The following XIAP variants were observed in gnomAD, a reference collection of about 807,000 sequenced individuals.
XIAP encodes E3 ubiquitin-protein ligase XIAP.
XIAP carries 3 observed loss-of-function variants against 33.1 expected under a neutral mutation model. That is an observed-to-expected ratio of 0.09 (90% CI 0.04 to 0.23). The LOEUF is 0.23. XIAP is among the 10% of genes least tolerant of loss of function. XIAP has a pLI of 1.00. For missense variants in XIAP, 264 were observed against 363.0 expected, an observed-to-expected ratio of 0.73 and a Z score of 2.22; for synonymous variants, 98 against 121.3, an observed-to-expected ratio of 0.81 and a Z score of 1.26.
rs771503633 is a variant in XIAP at position 123,889,997 on chromosome X, A to ATTTTT, written c.978-1208_978-1204dup. On this transcript the variant is annotated intron_variant, in intron 3 of 6. Transcript: ENST00000371199. ...ATCTCTATGACATACAGTTGTTCAC[A>ATTTTT]TTTTTTTTTTTTTTTTTTTTTTTTT... 9.1e-5 allele frequency among the ~76,000 whole-genome samples: 3 copies of ATTTTT among 33,048 alleles called. 1 individual carries two copies. Among genetic ancestry groups the ATTTTT allele is most frequent in the African/African-American group, 1.3e-4 (1 of 7,419 alleles). 28.7% of individuals were successfully genotyped at this position (33,048 alleles called of 115,157 possible).
At chrX:123,904,897 C>G (rs2053546470) in intron 6 of XIAP, among the ~76,000 whole-genome samples, 1 of 111,881 alleles carries the variant, frequency 8.9e-6, no homozygotes, top group Non-Finnish European at 1.9e-5. Flanking sequence ...TCCCAAAGTG[C>G]TGGGATTACA....
chrX:123,883,985 A>G lies in XIAP; in HGVS notation c.-32-1646A>G, dbSNP rs147761477. Reference sequence around the variant, plus strand: ...AGGAAATGATAATTCATCAAAAGTCATGGAGACTATATTCCAAAAGTTTTA... The same window carrying G: ...AGGAAATGATAATTCATCAAAAGTCGTGGAGACTATATTCCAAAAGTTTTA... On this transcript the variant is annotated intron_variant, in intron 1 of 6. Coordinates refer to ENST00000371199, the MANE Select transcript of XIAP (RefSeq NM_001167.4). Among the ~76,000 whole-genome samples, 7 of 112,223 alleles carry G rather than the reference A, an allele frequency of 6.2e-5. No homozygotes were observed. In the East Asian group the frequency reaches 1.7e-3, roughly 27 times the overall value.
At chrX:123,865,617 G>A (rs1195772531) in intron 1 of XIAP, among the ~76,000 whole-genome samples, 1 of 109,562 alleles carries the variant, frequency 9.1e-6, no homozygotes, top group African/African-American at 3.3e-5. Flanking sequence ...CCAGCTACTT[G>A]GGAGGCTGAG....
chrX:123,892,668 CA>C, intron 4 of XIAP, 62 bp from the exon 5 acceptor site: 3 of 960,607 alleles, frequency 3.1e-6, no homozygotes, highest in Non-Finnish European at 4.4e-6. Flanking sequence ...TTTCACTTTT[CA>C]AATGGAAATG....
chrX:123,904,106 TCTTC>T (rs2053539308), intron 6 of XIAP, among the ~76,000 whole-genome samples: 1 of 111,690 alleles, frequency 9.0e-6, no homozygotes, highest in African/African-American at 3.3e-5. Context: ...TTTGTTTGTT[TCTTC>T]CTTTTTGTGG....
At position 123,913,277 on chromosome X, in the gene XIAP, G is replaced by A; in HGVS notation, c.*6096G>A. 3.0e-6 allele frequency: 1 copy of A among 328,095 alleles called. No homozygotes were observed. The highest frequency in any genetic ancestry group is 5.9e-6 in the Non-Finnish European group (1 of 169,433). The allele number at this position is 328,095 out of a possible 1,213,427, so 27.0% of individuals were successfully genotyped here. A position where few individuals can be genotyped will look rare whatever the true frequency, so the allele number is the denominator to read the frequency against. On this transcript the variant is annotated 3_prime_UTR_variant, in exon 7 of 7. Transcript: ENST00000371199. ...ACCTGAGGTCAGGAGTTGGAGACCAGCCTGGCCAACATGCTGAAACCCTGT... is the reference window on the plus strand; with the variant it reads ...ACCTGAGGTCAGGAGTTGGAGACCAACCTGGCCAACATGCTGAAACCCTGT...
intron 1 of XIAP, among the ~76,000 whole-genome samples, chrX:123,868,990 T>C (rs2053168701): frequency 9.1e-6 from 1 of 110,414 alleles, no homozygotes; most frequent in Non-Finnish European, 1.9e-5. Context: ...TGTTATGATA[T>C]AGTTTTATGT....
chrX:123,867,969 C>T (rs1220526422), intron 1 of XIAP, among the ~76,000 whole-genome samples: 1 of 111,689 alleles, frequency 9.0e-6, no homozygotes, highest in Non-Finnish European at 1.9e-5. Flanking sequence ...AGCCACTGCG[C>T]CCAGCCTGAA....
chrX:123,888,830 C>T, intron 3 of XIAP, 112 bp downstream of exon 3: 1 of 643,977 alleles, frequency 1.6e-6, no homozygotes, highest in Admixed American at 2.7e-5. Flanking sequence ...GAAATTCATG[C>T]TAGGTTTATA....
intron 1 of XIAP, among the ~76,000 whole-genome samples, chrX:123,865,371 A>G (rs1013169702): frequency 9.0e-6 from 1 of 111,095 alleles, no homozygotes; most frequent in Non-Finnish European, 1.9e-5. Flanking sequence ...CAATGACCCC[A>G]TCTTTCTTTA....
At chrX:123,899,138 A>AT (rs2053488327) in intron 5 of XIAP, among the ~76,000 whole-genome samples, 2 of 72,590 alleles carry the variant, frequency 2.8e-5, no homozygotes, top group Admixed American at 1.7e-4. Context: ...AAAAAAAAAA[A>AT]AAAAAAATAT....
chrX:123,871,885 G>A (rs1158511601), intron 1 of XIAP, among the ~76,000 whole-genome samples: 3 of 109,638 alleles, frequency 2.7e-5, no homozygotes, highest in Non-Finnish European at 5.7e-5. Flanking sequence ...GGAGGATCAC[G>A]AGGTCAGGAG....
At chrX:123,887,623 T>C (rs1013911163) in intron 2 of XIAP, among the ~76,000 whole-genome samples, 13 of 112,031 alleles carry the variant, frequency 1.2e-4, no homozygotes, top group Non-Finnish European at 2.4e-4. Flanking sequence ...ACTTGAAACA[T>C]AACTTGTTTT....
In XIAP at chrX:123,910,125, C is replaced by A. The variant is rs776649984; in HGVS notation, c.*2944C>A. On this transcript the variant is annotated 3_prime_UTR_variant, in exon 7 of 7. Coordinates refer to ENST00000371199, the MANE Select transcript of XIAP (RefSeq NM_001167.4). ...TCTTTATTTGTAATAATTTAGTCTG[C>A]TGATCAAAAGCATTGTCTTAATTTT... is the stretch of plus-strand genomic sequence containing the variant. 1.1e-3 allele frequency: 369 copies of A among 323,579 alleles called. 3 individuals are homozygous for A. Among genetic ancestry groups the A allele is most frequent in the South Asian group, 9.7e-3 (363 of 37,344 alleles). 26.7% of individuals were successfully genotyped at this position (323,579 alleles called of 1,213,427 possible).
At chrX:123,900,804 G>A in intron 6 of XIAP, 111 bp downstream of exon 6, 2 of 681,815 alleles carry the variant, frequency 2.9e-6, no homozygotes, top group Middle Eastern at 4.2e-4. Context: ...TTTTTTAAAC[G>A]TAACCTTAAT....
In XIAP at chrX:123,911,477, CAA is replaced by C. The variant is rs397713705; in HGVS notation, c.*4308_*4309del. The C allele has an allele frequency of 4.4e-4, 115 of 259,086 alleles. No homozygotes were observed. Among genetic ancestry groups the C allele is most frequent in the Admixed American group, 8.9e-4 (19 of 21,436 alleles). 21.4% of individuals were successfully genotyped at this position (259,086 alleles called of 1,213,427 possible). A position where few individuals can be genotyped will look rare whatever the true frequency, so the allele number is the denominator to read the frequency against. On this transcript the variant is annotated 3_prime_UTR_variant, in exon 7 of 7. Coordinates refer to ENST00000371199, the MANE Select transcript of XIAP (RefSeq NM_001167.4). ...GGGCAACAAGAGCAAAACTCTGTCTCAAAAAAAAAAAAAGATATAAATCACAA... is the reference window on the plus strand; with the variant it reads ...GGGCAACAAGAGCAAAACTCTGTCTCAAAAAAAAAAAGATATAAATCACAA...
chrX:123,861,563 TATG>T (rs1435795347), intron 1 of XIAP, among the ~76,000 whole-genome samples: 1 of 111,591 alleles, frequency 9.0e-6, no homozygotes, highest in Non-Finnish European at 1.9e-5. Context: ...AGTAATGACT[TATG>T]GAGGAGAAGA....
chrX:123,902,258 G>A (rs1181983927), intron 6 of XIAP, among the ~76,000 whole-genome samples: 1 of 111,082 alleles, frequency 9.0e-6, no homozygotes, highest in Non-Finnish European at 1.9e-5. Context: ...GTCAATGGGC[G>A]CTCATATTAT....
intron 1 of XIAP, 142 bp from the exon 2 acceptor site, chrX:123,885,489 C>G: frequency 2.2e-6 from 1 of 460,015 alleles, no homozygotes; most frequent in African/African-American, 2.4e-5. Flanking sequence ...ATGTCGAACT[C>G]TAGTATTTAG....
Sources: gnomAD v4.1 joint callset for allele counts (sites outside exome capture counted in the v4.1 genomes callset) on GRCh38, gnomAD v4.1.1 for gene constraint, MANE v1.5 for transcripts, NCBI Gene and HGNC (gene_info 2026-07-23, HGNC 2026-07-21) for gene names.